RGS11: variants seen among roughly 807,000 people sequenced by gnomAD.
RGS11 encodes regulator of G protein signaling 11.
RGS11 carries 86 observed loss-of-function variants against 71.1 expected under a neutral mutation model. The ratio of observed to expected loss-of-function variants is 1.21; its 90% confidence interval spans 1.02 to 1.45. The LOEUF (loss-of-function observed/expected upper bound fraction) is 1.45, where lower values mean the gene tolerates loss of function less well. Ranked by LOEUF, RGS11 falls within the 40% of genes most tolerant of loss-of-function variation. RGS11 has a pLI of 0.00. For synonymous variants in RGS11, 298 were observed against 254.2 expected, an observed-to-expected ratio of 1.17 and a Z score of -1.64; for missense variants, 734 against 635.1, an observed-to-expected ratio of 1.16 and a Z score of -1.67.
rs1172325746 is a variant in RGS11 at position 269,511 on chromosome 16, C to T, written c.1281G>A (p.Met427Ile). ...GCACTGCCTGGGCTCACCGTCTCTT[C>T]ATCTCCAGCGGGATCCCAGCCTCTG... is the stretch of plus-strand genomic sequence containing the variant. ...LLAEAGIPLE[M>I]KRRVFPFTWR... Residue 427 changes from methionine to isoleucine, a missense_variant, in exon 16 of 17, where the codon ATG (methionine) becomes ATA (isoleucine). Physicochemically the swap from Met to Ile is conservative, Grantham distance 10 (BLOSUM62 1). Coordinates refer to ENST00000397770, the MANE Select transcript of RGS11 (RefSeq NM_183337.3). 3.1e-6 allele frequency: 5 copies of T among 1,613,048 alleles called. No homozygotes were observed. Among genetic ancestry groups the T allele is most frequent in the Admixed American group, 1.7e-5 (1 of 59,990 alleles).
chr16:270,884 C>G (rs1056824882), intron 13 of RGS11, 53 bp from the exon 14 acceptor site: 1 of 1,589,264 alleles, frequency 6.3e-7, no homozygotes, highest in Non-Finnish European at 8.6e-7. Context: ...CAGCCAGGGC[C>G]GGTGGGGGGT....
intron 7 of RGS11, 78 bp downstream of exon 7, chr16:273,682 G>T: frequency 6.5e-7 from 1 of 1,545,306 alleles, no homozygotes; most frequent in Non-Finnish European, 8.9e-7. Context: ...AGGGCCACCG[G>T]AGCCTGGCCT....
rs1233180409 is a variant in RGS11 at position 273,788 on chromosome 16, C to G, written c.478G>C (p.Val160Leu). The G allele has an allele frequency of 1.2e-6, 2 of 1,613,026 alleles. No homozygotes were observed. The highest frequency in any genetic ancestry group is 2.2e-5 in the East Asian group (1 of 44,890). The part of the protein sequence containing the change: ...HKKINHAWDL[V>L]LMQAREQLRA... The stretch of plus-strand genomic sequence containing the variant: ...AGCTGCTCCCTCGCCTGCATCAGCA[C>G]CAGGTCCCATGCGTGGTTGATCTTC... The change falls in exon 7 of 17, where the codon GTG becomes CTG. Residue 160 changes from valine (V) to leucine (L), a missense_variant. Val to Leu is a conservative substitution (Grantham distance 32, BLOSUM62 1). Transcript: ENST00000397770.
At chr16:274,125 A>T in intron 5 of RGS11, 24 bp from the exon 6 acceptor site, 1 of 1,560,516 alleles carries the variant, frequency 6.4e-7, no homozygotes, top group Non-Finnish European at 8.7e-7. Flanking sequence ...GACAGCCTGC[A>T]GAGGGGCCAG....
chr16:273,683 A>G, intron 7 of RGS11, 77 bp downstream of exon 7: 3 of 1,544,110 alleles, frequency 1.9e-6, no homozygotes, highest in Non-Finnish European at 2.7e-6. Flanking sequence ...GGGCCACCGG[A>G]GCCTGGCCTG....
chr16:275,147 C>T, intron 3 of RGS11, 65 bp from the exon 4 acceptor site: 4 of 1,525,808 alleles, frequency 2.6e-6, no homozygotes, highest in East Asian at 2.4e-5. Context: ...CGAGCCGGGC[C>T]TCCTCTCCCC....
intron 15 of RGS11, 136 bp downstream of exon 15, chr16:270,387 A>T (rs913925748): frequency 8.2e-6 from 9 of 1,092,934 alleles, no homozygotes; most frequent in Non-Finnish European, 1.2e-5. Context: ...GGCGGCCCCA[A>T]CCAGGTGGGG....
chr16:270,487 A>C (rs1349302240), intron 15 of RGS11, 36 bp downstream of exon 15: 1 of 1,569,480 alleles, frequency 6.4e-7, no homozygotes, highest in Non-Finnish European at 8.7e-7. Flanking sequence ...GTCTGGGATG[A>C]CCCCTCCTGC....
chr16:269,365 C>G lies in RGS11; in HGVS notation c.1308G>C (p.Trp436Cys), dbSNP rs367631452. The change falls in exon 17 of 17, where the codon TGG (tryptophan) becomes TGC (cysteine). Residue 436 changes from tryptophan to cysteine, a missense_variant. Trp to Cys is a radical substitution (Grantham distance 215). Coordinates refer to ENST00000397770, the MANE Select transcript of RGS11 (RefSeq NM_183337.3). ...EMKRRVFPFT[W>C]RPRHSSPSPA... is the part of the protein sequence containing the mutation. Reference sequence around the variant, plus strand: ...GGCTGGGGCTCGAGTGCCGTGGCCTCCACGTAAACGGGAACACGCTGTGGG... The same window carrying G: ...GGCTGGGGCTCGAGTGCCGTGGCCTGCACGTAAACGGGAACACGCTGTGGG... 2.2e-5 allele frequency: 36 copies of G among 1,603,320 alleles called. No individual in the cohort carries two copies. The highest frequency in any genetic ancestry group is 2.7e-5 in the Non-Finnish European group (32 of 1,175,570).
intron 15 of RGS11, chr16:270,049 ACCGTCCTGGGTAACACGGTGAAACC>A (rs1226467371): frequency 1.1e-5 from 2 of 178,088 alleles, no homozygotes; most frequent in African/African-American, 4.8e-5. Flanking sequence ...GGAGATCGAG[ACCGTCCTGGGTAACACGGTGAAACC>A]CCGTCTCTAC....
rs978061989 is a variant in RGS11 at position 268,639 on chromosome 16, C to G, written c.*630G>C. ...TAAATCGGGGGGGAGGCCGCGGCCT[C>G]GAGGTGGGAAAGCAGGTGCCGGCGC... On this transcript the variant is annotated 3_prime_UTR_variant, in exon 17 of 17. Coordinates refer to ENST00000397770, the MANE Select transcript of RGS11 (RefSeq NM_183337.3). 1.2e-6 allele frequency: 1 copy of G among 832,288 alleles called. No individual in the cohort carries two copies. Among genetic ancestry groups the G allele is most frequent in the Non-Finnish European group, 1.9e-6 (1 of 530,328 alleles). 51.6% of individuals were successfully genotyped at this position (832,288 alleles called of 1,614,324 possible). A position where few individuals can be genotyped will look rare whatever the true frequency, so the allele number is the denominator to read the frequency against.
At chr16:273,668 T>C (rs2052035260) in intron 7 of RGS11, 92 bp downstream of exon 7, 6 of 1,523,644 alleles carry the variant, frequency 3.9e-6, no homozygotes, top group Middle Eastern at 1.9e-4. Flanking sequence ...CCCTCCACGG[T>C]CCCAGGGCCA....
Position 275,896 on chromosome 16 carries a change from CGGG to C in RGS11, c.13_15del (p.Pro5del). 1 of 888,602 alleles carries C rather than the reference CGGG, an allele frequency of 1.1e-6. No homozygotes were observed. Among genetic ancestry groups the C allele is most frequent in the Admixed American group, 5.8e-5 (1 of 17,264 alleles). 55.0% of individuals were successfully genotyped at this position (888,602 alleles called of 1,614,324 possible). ...GCCCGGGGGCGGCCGGGGGGCGGCG[CGGG>C]GCCGGCGGCCATGGCTGCGGGGCGA... On this transcript the variant is annotated inframe_deletion, in exon 1 of 17. Transcript: ENST00000397770.
intron 9 of RGS11, chr16:272,394 G>A: frequency 7.7e-7 from 1 of 1,293,432 alleles, no homozygotes; most frequent in South Asian, 1.2e-5. Flanking sequence ...CATCTTTCCA[G>A]ATGTTGGGTC....
Position 274,070 on chromosome 16 carries a change from T to A in RGS11, c.402A>T (p.Lys134Asn). The A allele has an allele frequency of 1.3e-6, 2 of 1,550,972 alleles. No individual in the cohort carries two copies. Among genetic ancestry groups the A allele is most frequent in the South Asian group, 2.4e-5 (2 of 84,210 alleles). The change falls in exon 6 of 17, where the codon AAA (lysine) becomes AAT (asparagine). Residue 134 changes from lysine to asparagine, a missense_variant. Coordinates refer to ENST00000397770, the MANE Select transcript of RGS11 (RefSeq NM_183337.3). ...TCTCATAATCCACCAGGGTCCCCCG[T>A]TTTCGGATGTTCTTCTTGGCCAGGT... The part of the protein sequence containing the change: ...AIYLAKKNIR[K>N]RGTLVDYEKD...
At position 268,781 on chromosome 16, in the gene RGS11, C is replaced by A. The variant is rs2051785415; in HGVS notation, c.*488G>T. The stretch of plus-strand genomic sequence containing the variant: ...TCTCTTGGGTCCTCTTCCAGGCTCA[C>A]ACTGGGCGACAGCGGAGAGGCTCTT... On this transcript the variant is annotated 3_prime_UTR_variant, in exon 17 of 17. Coordinates refer to ENST00000397770, the MANE Select transcript of RGS11 (RefSeq NM_183337.3). The A allele has an allele frequency of 6.5e-7, 1 of 1,550,060 alleles. No individual in the cohort carries two copies. Among genetic ancestry groups the A allele is most frequent in the Non-Finnish European group, 8.7e-7 (1 of 1,146,978 alleles).
intron 6 of RGS11, 73 bp from the exon 7 acceptor site, chr16:273,909 GT>G: frequency 6.6e-7 from 1 of 1,507,816 alleles, no homozygotes; most frequent in Admixed American, 1.7e-5. Context: ...CAGTTGGGGG[GT>G]TGGGGACTGT....
chr16:268,756 T>G lies in RGS11; in HGVS notation c.*513A>C. 1 of 1,547,050 alleles carries G rather than the reference T, an allele frequency of 6.5e-7. No individual in the cohort carries two copies. Among genetic ancestry groups the G allele is most frequent in the Non-Finnish European group, 8.7e-7 (1 of 1,145,300 alleles). Reference sequence around the variant, plus strand: ...CCTCGAGGCAGCCTCAGCACGGCACTCTCTTGGGTCCTCTTCCAGGCTCAC... The same window carrying G: ...CCTCGAGGCAGCCTCAGCACGGCACGCTCTTGGGTCCTCTTCCAGGCTCAC... On this transcript the variant is annotated 3_prime_UTR_variant, in exon 17 of 17. Coordinates refer to ENST00000397770, the MANE Select transcript of RGS11 (RefSeq NM_183337.3).
In RGS11 at chr16:273,808, ATCT is replaced by A. The variant is rs762104184; in HGVS notation, c.455_457del (p.Lys152del). On this transcript the variant is annotated inframe_deletion, in exon 7 of 17. Coordinates refer to ENST00000397770, the MANE Select transcript of RGS11 (RefSeq NM_183337.3). ...CAGCACCAGGTCCCATGCGTGGTTG[ATCT>A]TCTTGTGTAGCCGGTCATAGCAGTC... The A allele has an allele frequency of 2.5e-6, 4 of 1,613,194 alleles. No individual in the cohort carries two copies. The highest frequency in any genetic ancestry group is 2.2e-5 in the East Asian group (1 of 44,864).
Sources: allele counts gnomAD v4.1 joint callset, GRCh38; gene constraint gnomAD v4.1.1; transcripts MANE v1.5; gene names NCBI Gene and HGNC (gene_info 2026-07-23, HGNC 2026-07-21).